LHFPL3: variants seen among roughly 807,000 people sequenced by gnomAD.
LHFPL3 encodes the protein LHFPL tetraspan subfamily member 3.
LHFPL3 carries 5 observed loss-of-function variants against 19.3 expected under a neutral mutation model. That is an observed-to-expected ratio of 0.26 (90% CI 0.14 to 0.54). LHFPL3 has a LOEUF of 0.54. Among genes scored for constraint, LHFPL3 ranks in the 20% least tolerant of loss-of-function variants. The pLI is 0.94. For missense variants in LHFPL3, 249 were observed against 307.4 expected (o/e 0.81, Z 1.42); for synonymous variants, 133 against 126.2 (o/e 1.05, Z -0.36).
At chr7:104,477,351 A>G (rs530961814) in intron 1 of LHFPL3, among the ~76,000 whole-genome samples, 1 of 152,290 alleles carries the variant, frequency 6.6e-6, no homozygotes, top group South Asian at 2.1e-4. Flanking sequence ...ATAAATATCT[A>G]TCAAGTGTTT....
rs764111359 is a variant in LHFPL3 at position 104,736,773 on chromosome 7, G to C, written c.544G>C (p.Gly182Arg). 1 of 1,613,674 alleles carries C rather than the reference G, an allele frequency of 6.2e-7. No individual in the cohort carries two copies. The highest frequency in any genetic ancestry group is 2.2e-5 in the East Asian group (1 of 44,868). ...AGAAAAGACAGACAAGTACACTCTTGGGGCTTGCTCAGTCCGCTGGGCATA... is the reference window on the plus strand; with the variant it reads ...AGAAAAGACAGACAAGTACACTCTTCGGGCTTGCTCAGTCCGCTGGGCATA... ...CGEKTDKYTL[G>R]ACSVRWAYIL... is the part of the protein sequence containing the mutation. Residue 182 changes from glycine to arginine, a missense_variant, in exon 2 of 3, where the codon GGG becomes CGG. Coordinates refer to ENST00000424859, the MANE Select transcript of LHFPL3 (RefSeq NM_199000.3).
At position 104,600,211 on chromosome 7, in the gene LHFPL3, A is replaced by G. The variant is rs149441817; in HGVS notation, c.446-136464A>G. 1.3e-3 allele frequency among the ~76,000 whole-genome samples: 194 copies of G among 152,366 alleles called. 1 individual carries two copies. Among genetic ancestry groups the G allele is most frequent in the African/African-American group, 4.5e-3 (188 of 41,588 alleles). ...GAACTCATAGTAGCAGAATTGCTAA[A>G]TAGACTTTATCATATTAACAGTACT... On this transcript the variant is annotated intron_variant, in intron 1 of 2. Transcript: ENST00000424859.
chr7:104,623,078 T>C, intron 1 of LHFPL3: 1 of 264,460 alleles, frequency 3.8e-6, no homozygotes, highest in East Asian at 1.1e-4. Flanking sequence ...TATATCTTCT[T>C]TAGAGAAATG....
chr7:104,831,403 C>T (rs531744099), intron 2 of LHFPL3, among the ~76,000 whole-genome samples: 5 of 151,912 alleles, frequency 3.3e-5, no homozygotes, highest in South Asian at 2.1e-4. Context: ...TTCTTTTGAA[C>T]GAAAAGTTAA....
intron 1 of LHFPL3, among the ~76,000 whole-genome samples, chr7:104,521,373 T>C (rs1200116357): frequency 6.6e-6 from 1 of 152,198 alleles, no homozygotes; most frequent in Non-Finnish European, 1.5e-5. Flanking sequence ...TCCAAGTATA[T>C]GGTCAATTTT....
chr7:104,342,098 G>A (rs1049254367), intron 1 of LHFPL3, among the ~76,000 whole-genome samples: 1 of 152,146 alleles, frequency 6.6e-6, no homozygotes, highest in Admixed American at 6.5e-5. Context: ...GAACTCATTG[G>A]CATGGTCATC....
At position 104,465,757 on chromosome 7, in the gene LHFPL3, G is replaced by T. The variant is rs183213292; in HGVS notation, c.445+136533G>T. 2.0e-3 allele frequency among the ~76,000 whole-genome samples: 303 copies of T among 152,256 alleles called. 2 individuals are homozygous for T. The highest frequency in any genetic ancestry group is 7.0e-3 in the African/African-American group (289 of 41,566). The stretch of plus-strand genomic sequence containing the variant: ...CTCCCATGACATGTGGGGATTATAG[G>T]AACTACAATTCAAGATGAGATTTGG... On this transcript the variant is annotated intron_variant, in intron 1 of 2. Transcript: ENST00000424859.
chr7:104,428,048 G>A (rs972537715), intron 1 of LHFPL3, among the ~76,000 whole-genome samples: 1 of 152,160 alleles, frequency 6.6e-6, no homozygotes, highest in African/African-American at 2.4e-5. Flanking sequence ...GCATCACAGT[G>A]CATCAGGGGG....
At chr7:104,464,566 A>G (rs756333724) in intron 1 of LHFPL3, among the ~76,000 whole-genome samples, 2 of 152,222 alleles carry the variant, frequency 1.3e-5, no homozygotes, top group Non-Finnish European at 2.9e-5. Context: ...CTAGGCAGAG[A>G]TTCCCAAACC....
At chr7:104,736,537 A>T (rs1793825484) in intron 1 of LHFPL3, 138 bp from the exon 2 acceptor site, 1 of 641,704 alleles carries the variant, frequency 1.6e-6, no homozygotes, top group African/African-American at 1.8e-5. Context: ...ATTCAGAGTG[A>T]CAGTGGTGAG....
intron 2 of LHFPL3, among the ~76,000 whole-genome samples, chr7:104,852,532 G>A (rs1201780295): frequency 2.6e-5 from 4 of 152,188 alleles, no homozygotes; most frequent in Non-Finnish European, 4.4e-5. Context: ...AATAGGCCAG[G>A]CTGGCCATGC....
intron 1 of LHFPL3, among the ~76,000 whole-genome samples, chr7:104,615,642 T>G (rs573682115): frequency 5.9e-5 from 9 of 152,288 alleles, no homozygotes; most frequent in African/African-American, 2.2e-4. Flanking sequence ...TCATCTACAT[T>G]AGGTATTTCT....
intron 1 of LHFPL3, among the ~76,000 whole-genome samples, chr7:104,495,895 T>C (rs1793463964): frequency 1.3e-5 from 2 of 152,326 alleles, no homozygotes; most frequent in South Asian, 4.1e-4. Context: ...CATTATCTCA[T>C]TTAATCCTCA....
chr7:104,507,697 A>G (rs1350937767), intron 1 of LHFPL3, among the ~76,000 whole-genome samples: 10 of 130,220 alleles, frequency 7.7e-5, no homozygotes, highest in African/African-American at 2.3e-4. Flanking sequence ...GAAAATTTTC[A>G]CAACCTACTC....
At chr7:104,468,888 T>C (rs931868970) in intron 1 of LHFPL3, among the ~76,000 whole-genome samples, 1 of 152,168 alleles carries the variant, frequency 6.6e-6, no homozygotes, top group Admixed American at 6.5e-5. Context: ...CTTGAACTCC[T>C]GACCTCATGA....
Position 104,630,233 on chromosome 7 carries a change from G to C in LHFPL3, c.446-106442G>C, listed in dbSNP as rs549887940. On this transcript the variant is annotated intron_variant, in intron 1 of 2. Transcript: ENST00000424859. The stretch of plus-strand genomic sequence containing the variant: ...GTGCACTAAGATCATAGAAGTGCTG[G>C]GGGCACATACAGGACAAATGAACAA... 1.4e-4 allele frequency among the ~76,000 whole-genome samples: 21 copies of C among 152,200 alleles called. No individual in the cohort carries two copies. The South Asian group carries it at 4.4e-3, about 32-fold the overall frequency.
At chr7:104,610,394 C>T (rs189294989) in intron 1 of LHFPL3, among the ~76,000 whole-genome samples, 1 of 151,586 alleles carries the variant, frequency 6.6e-6, no homozygotes, top group Admixed American at 6.6e-5. Flanking sequence ...TCCAGAGAAA[C>T]AGAAAAGAGA....
At chr7:104,585,894 T>C (rs1034731187) in intron 1 of LHFPL3, among the ~76,000 whole-genome samples, 4 of 152,204 alleles carry the variant, frequency 2.6e-5, no homozygotes, top group Non-Finnish European at 5.9e-5. Flanking sequence ...TGCAAAATAC[T>C]GATAATGCGC....
At chr7:104,519,650 T>C (rs1298022535) in intron 1 of LHFPL3, among the ~76,000 whole-genome samples, 2 of 152,166 alleles carry the variant, frequency 1.3e-5, no homozygotes, top group Non-Finnish European at 2.9e-5. Context: ...AAAACATTTT[T>C]ATTCTTTTTC....
Sources: allele counts gnomAD v4.1 joint callset (sites outside exome capture counted in the v4.1 genomes callset), GRCh38; gene constraint gnomAD v4.1.1; transcripts MANE v1.5; gene names NCBI Gene and HGNC (gene_info 2026-07-23, HGNC 2026-07-21).